Variants in KDM2A observed in about 807,000 individuals in gnomAD.
KDM2A encodes the protein lysine demethylase 2A.
A neutral mutation model predicts 137.3 loss-of-function variants in KDM2A; 3 were observed. That is an observed-to-expected ratio of 0.02 (90% confidence interval 0.01 to 0.06). The LOEUF (loss-of-function observed/expected upper bound fraction) is 0.06, where lower values mean the gene tolerates loss of function less well. Ranked by LOEUF, KDM2A falls within the 10% of genes least tolerant of loss-of-function variation. KDM2A has a pLI of 1.00. For missense variants in KDM2A, 738 were observed against 1,510.6 expected, an observed-to-expected ratio of 0.49 and a Z score of 8.48; for synonymous variants, 512 against 541.5, an observed-to-expected ratio of 0.95 and a Z score of 0.76.
At chr11:67,170,169 A>T (rs1367010580) in intron 2 of KDM2A, among the ~76,000 whole-genome samples, 2 of 152,172 alleles carry the variant, frequency 1.3e-5, no homozygotes, top group Admixed American at 1.3e-4. Flanking sequence ...ACACCTTGTG[A>T]TAGAAAATGC....
chr11:67,195,069 G>A (rs1857444264), intron 5 of KDM2A, among the ~76,000 whole-genome samples: 1 of 152,078 alleles, frequency 6.6e-6, no homozygotes, highest in African/African-American at 2.4e-5. Context: ...CTAGACAGAG[G>A]CAATAACCTA....
chr11:67,217,570 G>A (rs1254895163), intron 8 of KDM2A, 161 bp from the exon 9 acceptor site: 3 of 649,032 alleles, frequency 4.6e-6, no homozygotes, highest in Admixed American at 2.7e-5. Flanking sequence ...CTACTGCCTT[G>A]GACCTTCTAG....
chr11:67,138,543 G>A (rs1856021420), intron 2 of KDM2A, among the ~76,000 whole-genome samples: 1 of 152,170 alleles, frequency 6.6e-6, no homozygotes, highest in Non-Finnish European at 1.5e-5. Context: ...CACTTTGGGA[G>A]GCTGAGGTGG....
chr11:67,169,759 C>CTT (rs778350678), intron 2 of KDM2A, among the ~76,000 whole-genome samples: 11 of 65,694 alleles, frequency 1.7e-4, no homozygotes, highest in African/African-American at 9.0e-4. Flanking sequence ...CTCTCTCTCT[C>CTT]TTTTTTTTTT....
intron 5 of KDM2A, among the ~76,000 whole-genome samples, chr11:67,191,844 GC>G (rs906250110): frequency 1.3e-5 from 2 of 151,862 alleles, no homozygotes; most frequent in African/African-American, 4.8e-5. Context: ...GAGCAATTAG[GC>G]AAAAAAAGGA....
chr11:67,251,932 C>T (rs1007727419), intron 17 of KDM2A, among the ~76,000 whole-genome samples: 7 of 152,184 alleles, frequency 4.6e-5, no homozygotes, highest in Admixed American at 2.0e-4. Flanking sequence ...CAGGGCAAGG[C>T]ACATCAGATT....
chr11:67,156,178 G>A (rs1336444325), intron 2 of KDM2A, among the ~76,000 whole-genome samples: 3 of 151,200 alleles, frequency 2.0e-5, no homozygotes, highest in African/African-American at 7.3e-5. Context: ...AACCCAGGAG[G>A]TGGAGGTTGT....
chr11:67,120,927 T>C (rs964801670), intron 1 of KDM2A, among the ~76,000 whole-genome samples: 16 of 152,108 alleles, frequency 1.1e-4, no homozygotes, highest in Non-Finnish European at 2.1e-4. Context: ...TTTTTTTTCT[T>C]GCTGATGCTG....
intron 6 of KDM2A, among the ~76,000 whole-genome samples, chr11:67,209,517 C>G (rs1307937762): frequency 1.3e-5 from 2 of 151,854 alleles, no homozygotes; most frequent in Non-Finnish European, 2.9e-5. Context: ...GATCTTGGCT[C>G]ACTGCAGCCT....
intron 2 of KDM2A, among the ~76,000 whole-genome samples, 173 bp downstream of exon 2, chr11:67,121,531 G>A (rs947196389): frequency 5.3e-4 from 80 of 152,270 alleles, no homozygotes; most frequent in African/African-American, 1.9e-3. Flanking sequence ...GGCCAAACAT[G>A]TTTTATATTT....
At chr11:67,171,073 T>C (rs1318985127) in intron 2 of KDM2A, among the ~76,000 whole-genome samples, 1 of 152,198 alleles carries the variant, frequency 6.6e-6, no homozygotes, top group Non-Finnish European at 1.5e-5. Context: ...TAGTGCTTGT[T>C]ACAGTACCTG....
At chr11:67,223,228 T>C (rs1858424328) in intron 10 of KDM2A, among the ~76,000 whole-genome samples, 1 of 151,504 alleles carries the variant, frequency 6.6e-6, no homozygotes, top group Non-Finnish European at 1.5e-5. Context: ...CAAAAAATGC[T>C]AACCCAGTCT....
chr11:67,205,010 T>G (rs1034553527), intron 5 of KDM2A, among the ~76,000 whole-genome samples: 1 of 152,218 alleles, frequency 6.6e-6, no homozygotes, highest in Admixed American at 6.6e-5. Context: ...TTCTTTTAGA[T>G]ATATGCCTAG....
intron 2 of KDM2A, among the ~76,000 whole-genome samples, chr11:67,157,581 C>G (rs903738279): frequency 1.3e-5 from 2 of 151,580 alleles, no homozygotes; most frequent in Admixed American, 1.3e-4. Flanking sequence ...CCCGTCTCTA[C>G]TAAAAATACA....
chr11:67,250,664 G>GAAT lies in KDM2A; in HGVS notation c.2635_2637dup (p.Asn879dup). ...CAGAGGAGGGGGGTGCAGCCAGGCT[G>GAAT]AATGGCCGGGGCAGTTGGGCTCAGG... On this transcript the variant is annotated inframe_insertion, in exon 17 of 21. Coordinates refer to ENST00000529006, the MANE Select transcript of KDM2A (RefSeq NM_012308.3). This position sits in a 1 kb window ranked among gnomAD's most constrained non-coding sequence, Gnocchi z 7.1. 1 of 1,607,102 alleles carries GAAT rather than the reference G, an allele frequency of 6.2e-7. No individual in the cohort carries two copies. The highest frequency in any genetic ancestry group is 8.5e-7 in the Non-Finnish European group (1 of 1,175,558).
rs761253978 is a variant in KDM2A at position 67,243,068 on chromosome 11, A to T, written c.1539A>T (p.Ile513=). 6.2e-7 allele frequency: 1 copy of T among 1,613,564 alleles called. No individual in the cohort carries two copies. The highest frequency in any genetic ancestry group is 8.5e-7 in the Non-Finnish European group (1 of 1,179,524). The change falls in exon 13 of 21, where the codon ATA becomes ATT. Residue 513 remains isoleucine (I), a synonymous_variant. Transcript: ENST00000529006. ...AGTTAGCCCTCACTGGAGTTCCTATAGTACAGTGGCCAAAAAGGGATAAGG... is the reference window on the plus strand; with the variant it reads ...AGTTAGCCCTCACTGGAGTTCCTATTGTACAGTGGCCAAAAAGGGATAAGG... ...DPKLALTGVP[I]VQWPKRDKLK... is the part of the protein sequence containing the mutation.
chr11:67,121,495 G>T (rs1381447143), intron 2 of KDM2A, 137 bp downstream of exon 2: 3 of 722,356 alleles, frequency 4.2e-6, no homozygotes, highest in Non-Finnish European at 7.0e-6. Context: ...AGGGGGAAAG[G>T]TGTATTAATA....
intron 15 of KDM2A, among the ~76,000 whole-genome samples, chr11:67,247,065 AT>A (rs1859257239): frequency 1.8e-4 from 5 of 27,580 alleles, no homozygotes; most frequent in East Asian, 7.9e-4. Context: ...ATATATATAT[AT>A]ATATATTTTT....
chr11:67,151,328 A>G (rs1856382099), intron 2 of KDM2A, among the ~76,000 whole-genome samples: 1 of 152,124 alleles, frequency 6.6e-6, no homozygotes, highest in South Asian at 2.1e-4. Context: ...TGTTGGTGTA[A>G]ACTATACACA....
Sources: gnomAD v4.1 joint callset for allele counts (sites outside exome capture counted in the v4.1 genomes callset) on GRCh38, gnomAD v4.1.1 for gene constraint, Gnocchi (gnomAD v3.1) non-coding constraint, MANE v1.5 for transcripts, NCBI Gene and HGNC (gene_info 2026-07-23, HGNC 2026-07-21) for gene names.